The following PLCG2 variants were observed in gnomAD, a reference collection of about 807,000 sequenced individuals.
The protein encoded by PLCG2 is 1-phosphatidylinositol 4,5-bisphosphate phosphodiesterase gamma-2.
PLCG2 carries 69 observed loss-of-function variants against 175.6 expected under a neutral mutation model. That is an observed-to-expected ratio of 0.39 (90% CI 0.32 to 0.48). PLCG2 has a LOEUF of 0.48. Among genes scored for constraint, PLCG2 ranks in the 20% least tolerant of loss-of-function variants. PLCG2 has a pLI of 0.91. For missense variants in PLCG2, 1,798 were observed against 1,650.9 expected, an observed-to-expected ratio of 1.09 and a Z score of -1.54; for synonymous variants, 827 against 624.0, an observed-to-expected ratio of 1.33 and a Z score of -4.85.
At position 81,961,986 on chromosome 16, in the gene PLCG2, G is replaced by C. The variant is rs1276946317; in HGVS notation, c.*3988G>C. On this transcript the variant is annotated 3_prime_UTR_variant, in exon 33 of 33. Coordinates refer to ENST00000564138, the MANE Select transcript of PLCG2 (RefSeq NM_002661.5). ...CCCATTGATCGCCAGGGTTGATTCG[G>C]CTGATCTGGCTGGCTAGGTGGGTGT... 1 of 195,982 alleles carries C rather than the reference G, an allele frequency of 5.1e-6. No individual in the cohort carries two copies. Among genetic ancestry groups the C allele is most frequent in the African/African-American group, 2.3e-5 (1 of 43,180 alleles). The allele number at this position is 195,982 out of a possible 1,614,324, so 12.1% of individuals were successfully genotyped here. A position where few individuals can be genotyped will look rare whatever the true frequency, so the allele number is the denominator to read the frequency against.
chr16:81,769,965 G>A (rs959771254), intron 2 of PLCG2, among the ~76,000 whole-genome samples: 1 of 152,106 alleles, frequency 6.6e-6, no homozygotes, highest in Non-Finnish European at 1.5e-5. Flanking sequence ...GAAAGTAATG[G>A]AGCTTCCCAG....
chr16:81,760,319 G>C (rs944368260), intron 2 of PLCG2, among the ~76,000 whole-genome samples: 2 of 152,134 alleles, frequency 1.3e-5, no homozygotes, highest in African/African-American at 4.8e-5. Context: ...GCTGGGCTCA[G>C]GGTGCTGCAC....
intron 5 of PLCG2, among the ~76,000 whole-genome samples, chr16:81,866,056 G>A (rs1597362406): frequency 1.5e-5 from 2 of 130,626 alleles, no homozygotes; most frequent in Admixed American, 7.4e-5. Context: ...AGAGGACGCT[G>A]GCCTCTCCCT....
chr16:81,938,596 C>G (rs573273740), intron 28 of PLCG2: 2 of 573,088 alleles, frequency 3.5e-6, no homozygotes, highest in African/African-American at 1.9e-5. Flanking sequence ...GGCCGAGACC[C>G]AGGCTGATGC....
chr16:81,899,264 A>ATGTG (rs200982591), intron 13 of PLCG2, among the ~76,000 whole-genome samples: 1 of 132,124 alleles, frequency 7.6e-6, no homozygotes, highest in African/African-American at 3.1e-5. Context: ...CAGGAGGAGT[A>ATGTG]TGTGTGTATA....
At chr16:81,764,585 G>A (rs1192780071) in intron 2 of PLCG2, among the ~76,000 whole-genome samples, 1 of 152,224 alleles carries the variant, frequency 6.6e-6, no homozygotes, top group African/African-American at 2.4e-5. Context: ...TTGTCTTTCA[G>A]CCACAGGCTG....
chr16:81,793,101 C>G (rs1911312515), intron 2 of PLCG2, among the ~76,000 whole-genome samples: 2 of 152,300 alleles, frequency 1.3e-5, no homozygotes, highest in African/African-American at 2.4e-5. Context: ...AAGGCCTGGC[C>G]TCTGGCAGAG....
At chr16:81,875,067 G>A (rs8058099) in intron 7 of PLCG2, among the ~76,000 whole-genome samples, 72,669 of 149,968 alleles carry the variant, frequency 0.48, 18,114 homozygotes, top group Non-Finnish European at 0.54. Flanking sequence ...GGGTTCAAGC[G>A]ATTCTCCTGC....
At chr16:81,763,983 C>G (rs973921972) in intron 2 of PLCG2, among the ~76,000 whole-genome samples, 6 of 150,642 alleles carry the variant, frequency 4.0e-5, no homozygotes, top group Non-Finnish European at 7.4e-5. Flanking sequence ...AAAACAAAAA[C>G]AAACAAAAAA....
chr16:81,799,267 G>A (rs1291567117), intron 2 of PLCG2, among the ~76,000 whole-genome samples: 1 of 152,030 alleles, frequency 6.6e-6, no homozygotes, highest in Non-Finnish European at 1.5e-5. Context: ...TTAACACCTG[G>A]TGTACCACCT....
chr16:81,959,052 A>G lies in PLCG2; in HGVS notation c.*1054A>G, dbSNP rs1281890902. The G allele has an allele frequency of 9.0e-6, 2 of 222,962 alleles. No homozygotes were observed. The highest frequency in any genetic ancestry group is 4.5e-5 in the African/African-American group (2 of 44,740). The allele number at this position is 222,962 out of a possible 1,614,324, so 13.8% of individuals were successfully genotyped here. On this transcript the variant is annotated 3_prime_UTR_variant, in exon 33 of 33. Transcript: ENST00000564138. ...GCTGGCCAGGGCTTTACACCTCTGC[A>G]TCTTAAGTTGTTAATACATACCAAT... is the stretch of plus-strand genomic sequence containing the variant.
intron 2 of PLCG2, among the ~76,000 whole-genome samples, chr16:81,769,257 T>A (rs533077965): frequency 6.6e-6 from 1 of 152,344 alleles, no homozygotes; most frequent in South Asian, 2.1e-4. Context: ...TTCCTGTATC[T>A]GCCCAAAGTG....
chr16:81,934,302 A>G, intron 25 of PLCG2, 127 bp from the exon 26 acceptor site: 1 of 641,510 alleles, frequency 1.6e-6, no homozygotes, highest in East Asian at 2.7e-5. Context: ...AAAGGAAAAC[A>G]TTCAACCATA....
chr16:81,924,937 G>C (rs1259238878), intron 22 of PLCG2, among the ~76,000 whole-genome samples: 1 of 152,366 alleles, frequency 6.6e-6, no homozygotes, highest in Non-Finnish European at 1.5e-5. Flanking sequence ...ACAGAGTTGA[G>C]GTCTCTTCCA....
intron 2 of PLCG2, among the ~76,000 whole-genome samples, chr16:81,843,370 C>A (rs1285203940): frequency 6.6e-6 from 1 of 152,176 alleles, no homozygotes; most frequent in African/African-American, 2.4e-5. Flanking sequence ...TAGGCACATT[C>A]CTTCTTAGCT....
intron 23 of PLCG2, among the ~76,000 whole-genome samples, chr16:81,927,509 G>C (rs1910325608): frequency 6.6e-6 from 1 of 152,166 alleles, no homozygotes; most frequent in Non-Finnish European, 1.5e-5. Flanking sequence ...ATTTATATTG[G>C]ACAGCCAGAC....
At chr16:81,753,583 TA>T (rs1452949345) in intron 1 of PLCG2, among the ~76,000 whole-genome samples, 1 of 152,056 alleles carries the variant, frequency 6.6e-6, no homozygotes, top group Non-Finnish European at 1.5e-5. Context: ...CACGCCCAGC[TA>T]ATTTTTGTAT....
chr16:81,745,783 G>A (rs2143053528), intron 1 of PLCG2, among the ~76,000 whole-genome samples: 1 of 152,308 alleles, frequency 6.6e-6, no homozygotes, highest in Non-Finnish European at 1.5e-5. Context: ...GGCTGATTCA[G>A]CAGATCTGGA....
intron 31 of PLCG2, among the ~76,000 whole-genome samples, chr16:81,955,495 C>T (rs1209790421): frequency 2.0e-5 from 3 of 152,208 alleles, no homozygotes; most frequent in Non-Finnish European, 4.4e-5. Context: ...AAACTCCCTA[C>T]CCTGAGTGGC....
Sources: gnomAD v4.1 joint callset for allele counts (sites outside exome capture counted in the v4.1 genomes callset) on GRCh38, gnomAD v4.1.1 for gene constraint, MANE v1.5 for transcripts, NCBI Gene and HGNC (gene_info 2026-07-23, HGNC 2026-07-21) for gene names.